Variants in MRPL1 observed in about 807,000 individuals in gnomAD.
The protein encoded by MRPL1 is large ribosomal subunit protein uL1m.
In MRPL1, 28 loss-of-function variants were observed where a neutral mutation model predicts 38.0. That is an observed-to-expected ratio of 0.74 (90% CI 0.55 to 1.01). The LOEUF is 1.01. MRPL1 is among the 50% of genes least tolerant of loss of function. The pLI is 0.00. For synonymous variants in MRPL1, 123 were observed against 126.7 expected (o/e 0.97, Z 0.20); for missense variants, 358 against 389.8 (o/e 0.92, Z 0.69).
intron 5 of MRPL1, among the ~76,000 whole-genome samples, chr4:77,890,994 A>C (rs1735793130): frequency 6.6e-6 from 1 of 152,258 alleles, no homozygotes; most frequent in Admixed American, 6.5e-5. Context: ...CCACCCCTAA[A>C]AGTACTCTAA....
chr4:77,946,241 A>C (rs1017020765), intron 7 of MRPL1, among the ~76,000 whole-genome samples: 6 of 152,192 alleles, frequency 3.9e-5, no homozygotes, highest in African/African-American at 1.4e-4. Flanking sequence ...GGCTCTCTGC[A>C]AGAAGAAAAA....
At chr4:77,951,548 AAT>A (rs1268332508) in intron 8 of MRPL1, among the ~76,000 whole-genome samples, 2 of 152,254 alleles carry the variant, frequency 1.3e-5, no homozygotes, top group African/African-American at 4.8e-5. Context: ...TTTCACTGAA[AAT>A]ATGACATGAG....
intron 6 of MRPL1, among the ~76,000 whole-genome samples, chr4:77,907,754 G>C (rs898730093): frequency 6.6e-6 from 1 of 152,070 alleles, no homozygotes; most frequent in African/African-American, 2.4e-5. Context: ...AGTAGAGACG[G>C]GGTTTCGCCG....
chr4:77,890,893 C>A (rs1735791076), intron 5 of MRPL1, among the ~76,000 whole-genome samples: 2 of 152,136 alleles, frequency 1.3e-5, no homozygotes, highest in South Asian at 4.1e-4. Context: ...GAAAATTTAT[C>A]CTTTGTCCCA....
intron 6 of MRPL1, among the ~76,000 whole-genome samples, chr4:77,895,630 C>A (rs910155395): frequency 1.4e-4 from 22 of 152,012 alleles, no homozygotes; most frequent in African/African-American, 4.8e-4. Context: ...TAAAAAAATT[C>A]TGCTAAAATT....
intron 7 of MRPL1, among the ~76,000 whole-genome samples, chr4:77,920,234 T>C (rs566570328): frequency 1.5e-3 from 228 of 152,332 alleles, no homozygotes; most frequent in African/African-American, 4.9e-3. Context: ...GATTGCTATA[T>C]TTTCAATCAA....
chr4:77,877,435 G>A (rs1735423506), intron 2 of MRPL1, among the ~76,000 whole-genome samples: 1 of 150,306 alleles, frequency 6.7e-6, no homozygotes, highest in Non-Finnish European at 1.5e-5. Flanking sequence ...GGTTGCTGGA[G>A]GGTTTTTCTC....
At chr4:77,881,702 A>G (rs561492673) in intron 2 of MRPL1, among the ~76,000 whole-genome samples, 1 of 152,152 alleles carries the variant, frequency 6.6e-6, no homozygotes, top group Admixed American at 6.5e-5. Flanking sequence ...TGGCCTCCCA[A>G]AGTGCTGGAA....
chr4:77,941,792 TTTTA>T (rs1309442022), intron 7 of MRPL1, among the ~76,000 whole-genome samples: 1 of 152,194 alleles, frequency 6.6e-6, no homozygotes, highest in African/African-American at 2.4e-5. Flanking sequence ...CATCTATCGA[TTTTA>T]TTTATCTTTT....
chr4:77,890,522 C>G (rs1735783071), intron 5 of MRPL1, among the ~76,000 whole-genome samples: 1 of 152,116 alleles, frequency 6.6e-6, no homozygotes, highest in African/African-American at 2.4e-5. Flanking sequence ...AAACCCACAG[C>G]CAATATCATA....
intron 1 of MRPL1, among the ~76,000 whole-genome samples, chr4:77,868,260 G>A (rs1241703175): frequency 6.6e-6 from 1 of 150,980 alleles, no homozygotes; most frequent in East Asian, 1.9e-4. Context: ...TTTTTTTTCT[G>A]TGATGGACTC....
intron 7 of MRPL1, among the ~76,000 whole-genome samples, chr4:77,920,573 T>C (rs973487117): frequency 6.6e-6 from 1 of 152,182 alleles, no homozygotes; most frequent in Non-Finnish European, 1.5e-5. Context: ...AGAGAGACTA[T>C]AGGAACCTGC....
chr4:77,876,777 G>C (rs1231064785), intron 2 of MRPL1, among the ~76,000 whole-genome samples: 1 of 152,134 alleles, frequency 6.6e-6, no homozygotes, highest in Non-Finnish European at 1.5e-5. Flanking sequence ...TCTACCCTGT[G>C]TTGTGCAAGC....
chr4:77,868,403 C>T (rs1412566441), intron 1 of MRPL1, among the ~76,000 whole-genome samples: 13 of 151,972 alleles, frequency 8.6e-5, no homozygotes, highest in Non-Finnish European at 1.9e-4. Context: ...CCACACCCGG[C>T]TAATTTTTTT....
intron 4 of MRPL1, among the ~76,000 whole-genome samples, chr4:77,886,486 C>A (rs562318624): frequency 6.6e-6 from 1 of 152,004 alleles, no homozygotes; most frequent in Non-Finnish European, 1.5e-5. Context: ...AGGCATGCAC[C>A]ACCACACCTG....
intron 7 of MRPL1, 69 bp from the exon 8 acceptor site, chr4:77,949,728 A>G: frequency 9.0e-7 from 1 of 1,107,700 alleles, no homozygotes; most frequent in Non-Finnish European, 1.3e-6. Flanking sequence ...TATTTGAAAA[A>G]TAGTCTAGAA....
intron 7 of MRPL1, among the ~76,000 whole-genome samples, chr4:77,927,444 G>A (rs1736739190): frequency 6.6e-6 from 1 of 152,068 alleles, no homozygotes; most frequent in African/African-American, 2.4e-5. Context: ...CCTCCTGTGA[G>A]TAGAGCCCTA....
At chr4:77,868,751 A>T (rs1735211838) in intron 1 of MRPL1, among the ~76,000 whole-genome samples, 1 of 152,216 alleles carries the variant, frequency 6.6e-6, no homozygotes, top group Non-Finnish European at 1.5e-5. Flanking sequence ...GAAGATTATG[A>T]AAATTCTTAG....
intron 6 of MRPL1, among the ~76,000 whole-genome samples, chr4:77,906,541 C>T (rs920280204): frequency 6.6e-6 from 1 of 152,000 alleles, no homozygotes; most frequent in Non-Finnish European, 1.5e-5. Flanking sequence ...GGAGGAGCAG[C>T]GTCCTTTTAT....
Sources: allele counts gnomAD v4.1 joint callset (sites outside exome capture counted in the v4.1 genomes callset), GRCh38; gene constraint gnomAD v4.1.1; transcripts MANE v1.5; gene names NCBI Gene and HGNC (gene_info 2026-07-23, HGNC 2026-07-21).